Variants in SYN3 observed in about 807,000 individuals in gnomAD.
The protein encoded by SYN3 is synapsin III, also known as synapsin-3.
In SYN3, 35 loss-of-function variants were observed where a neutral mutation model predicts 65.8. That is an observed-to-expected ratio of 0.53 (90% CI 0.41 to 0.70). The LOEUF is 0.70. SYN3 is among the 30% of genes least tolerant of loss of function. SYN3 has a pLI of 0.00. For synonymous variants in SYN3, 270 were observed against 292.9 expected (o/e 0.92, Z 0.80); for missense variants, 680 against 749.0 (o/e 0.91, Z 1.08).
intron 3 of SYN3, among the ~76,000 whole-genome samples, chr22:32,940,243 A>G (rs1343889717): frequency 6.6e-6 from 1 of 152,192 alleles, no homozygotes; most frequent in Non-Finnish European, 1.5e-5. Context: ...ATCTCAAAAT[A>G]TATTGTAGAT....
At chr22:32,577,349 G>A (rs1426998864) in intron 7 of SYN3, among the ~76,000 whole-genome samples, 1 of 152,084 alleles carries the variant, frequency 6.6e-6, no homozygotes, top group Non-Finnish European at 1.5e-5. Flanking sequence ...GGACCCCCTC[G>A]AAGGGGCTCC....
At chr22:32,616,077 G>A (rs756872919) in intron 6 of SYN3, among the ~76,000 whole-genome samples, 2 of 152,182 alleles carry the variant, frequency 1.3e-5, no homozygotes, top group African/African-American at 4.8e-5. Flanking sequence ...TGCAAGCTGC[G>A]AGGAGAGAGG....
Position 33,054,883 on chromosome 22 carries a change from A to G in SYN3, c.-163+3409T>C, listed in dbSNP as rs187070908. Reference sequence around the variant, plus strand: ...ACCATAAGGCTGGCCACCATCCTTCATCCCCACCCTTTTCCCATATTCCCT... The same window carrying G: ...ACCATAAGGCTGGCCACCATCCTTCGTCCCCACCCTTTTCCCATATTCCCT... On this transcript the variant is annotated intron_variant, in intron 1 of 13. Transcript: ENST00000358763. Among the ~76,000 whole-genome samples, 57 of 152,274 alleles carry G rather than the reference A, an allele frequency of 3.7e-4. No homozygotes were observed. The Middle Eastern group carries it at 0.01, about 27-fold the overall frequency.
intron 3 of SYN3, among the ~76,000 whole-genome samples, chr22:32,962,844 C>CTATT (rs2051699023): frequency 6.6e-6 from 1 of 151,472 alleles, no homozygotes; most frequent in Non-Finnish European, 1.5e-5. Context: ...ATCTATCTAT[C>CTATT]TATCTATCTG....
intron 6 of SYN3, among the ~76,000 whole-genome samples, chr22:32,656,456 A>G (rs1202840531): frequency 6.6e-6 from 1 of 152,222 alleles, no homozygotes; most frequent in East Asian, 1.9e-4. Context: ...CTTTTGAAAC[A>G]TGATGCAGAA....
intron 6 of SYN3, among the ~76,000 whole-genome samples, chr22:32,753,498 G>A (rs1369547421): frequency 1.3e-5 from 2 of 152,202 alleles, no homozygotes; most frequent in South Asian, 2.1e-4. Context: ...CTCCCCAGCA[G>A]GGGCCTACAC....
intron 6 of SYN3, among the ~76,000 whole-genome samples, chr22:32,650,279 C>CTTTTTTTTTTTTTT (rs1371405589): frequency 1.2e-4 from 13 of 111,876 alleles, no homozygotes; most frequent in African/African-American, 4.0e-4. Context: ...CTCTCTCTTT[C>CTTTTTTTTTTTTTT]TTTTTGAGAC....
At chr22:33,015,180 C>A (rs1601909114) in intron 1 of SYN3, 1 of 209,734 alleles carries the variant, frequency 4.8e-6, no homozygotes, top group South Asian at 7.1e-5. Flanking sequence ...GAGATGGCGC[C>A]ACAGCACTCC....
chr22:32,902,017 G>A (rs2049773830), intron 4 of SYN3, among the ~76,000 whole-genome samples: 1 of 152,170 alleles, frequency 6.6e-6, no homozygotes, highest in Admixed American at 6.5e-5. Flanking sequence ...ATTTCTCTAT[G>A]AGATCTGGGA....
intron 2 of SYN3, among the ~76,000 whole-genome samples, chr22:32,991,371 T>C (rs943418383): frequency 2.0e-5 from 3 of 149,352 alleles, no homozygotes; most frequent in African/African-American, 7.4e-5. Context: ...ATAATAATAA[T>C]AGTAATAATA....
At chr22:33,017,770 T>G (rs945367736) in intron 1 of SYN3, among the ~76,000 whole-genome samples, 37 of 152,062 alleles carry the variant, frequency 2.4e-4, no homozygotes, top group African/African-American at 8.4e-4. Flanking sequence ...GTTTTTTTTT[T>G]TTTGTAGAAT....
chr22:32,518,203 A>T lies in SYN3; in HGVS notation c.1450T>A (p.Ser484Thr), dbSNP rs778431566. Residue 484 changes from serine to threonine, a missense_variant, in exon 13 of 14, where the codon TCT becomes ACT. Ser to Thr is a moderately conservative substitution (Grantham distance 58, BLOSUM62 1). Coordinates refer to ENST00000358763, the MANE Select transcript of SYN3 (RefSeq NM_003490.4). ...CTGGATGCCCGGGATAGCTGCGGAG[A>T]GCCTGGTGACCTTTGCTGCTGTGGA... is the stretch of plus-strand genomic sequence containing the variant. ...GSPQQQRSPG[S>T]PQLSRASSGS... 6.2e-7 allele frequency: 1 copy of T among 1,613,740 alleles called. No individual in the cohort carries two copies. Among genetic ancestry groups the T allele is most frequent in the East Asian group, 2.2e-5 (1 of 44,868 alleles).
intron 6 of SYN3, among the ~76,000 whole-genome samples, chr22:32,688,514 C>T (rs2060621977): frequency 6.6e-6 from 1 of 152,108 alleles, no homozygotes; most frequent in Non-Finnish European, 1.5e-5. Context: ...TCTCTGTCTG[C>T]TGCTTGGGAC....
intron 6 of SYN3, among the ~76,000 whole-genome samples, chr22:32,849,820 G>A (rs908235249): frequency 6.6e-6 from 1 of 152,214 alleles, no homozygotes; most frequent in African/African-American, 2.4e-5. Flanking sequence ...TTGTTAGCTC[G>A]TAACCATGAG....
rs2146022270 is a variant in SYN3 at position 32,508,607 on chromosome 22, C to T, written c.*5085G>A. Among the ~76,000 whole-genome samples, 2 of 151,688 alleles carry T rather than the reference C, an allele frequency of 1.3e-5. No individual in the cohort carries two copies. The highest frequency in any genetic ancestry group is 6.8e-3 in the Middle Eastern group (2 of 294). ...TTGAGGTTGAAAACCTGCCATTGAT[C>T]TTCTTCCGCTTCTTTTCTCTATCTC... On this transcript the variant is annotated 3_prime_UTR_variant, in exon 14 of 14. Coordinates refer to ENST00000358763, the MANE Select transcript of SYN3 (RefSeq NM_003490.4).
At chr22:33,028,333 CG>C (rs1222935012) in intron 1 of SYN3, among the ~76,000 whole-genome samples, 1 of 152,204 alleles carries the variant, frequency 6.6e-6, no homozygotes, top group African/African-American at 2.4e-5. Context: ...TCCTCCTCAG[CG>C]CCTAGCCCCG....
intron 2 of SYN3, among the ~76,000 whole-genome samples, chr22:32,986,902 T>C (rs1280767193): frequency 6.6e-6 from 1 of 152,002 alleles, no homozygotes; most frequent in Non-Finnish European, 1.5e-5. Flanking sequence ...AGAAGAATAT[T>C]ATAAAACTGG....
chr22:32,707,096 G>T (rs2060890767), intron 6 of SYN3, among the ~76,000 whole-genome samples: 1 of 152,060 alleles, frequency 6.6e-6, no homozygotes. Context: ...TTTCTCATGT[G>T]CATACATTGC....
chr22:32,980,781 C>A, intron 2 of SYN3, 79 bp from the exon 3 acceptor site: 1 of 1,291,294 alleles, frequency 7.7e-7, no homozygotes, highest in African/African-American at 1.5e-5. Context: ...GGCCTTACCC[C>A]AGAGGTGCAT....
Sources: gnomAD v4.1 joint callset for allele counts (sites outside exome capture counted in the v4.1 genomes callset) on GRCh38, gnomAD v4.1.1 for gene constraint, MANE v1.5 for transcripts, NCBI Gene and HGNC (gene_info 2026-07-23, HGNC 2026-07-21) for gene names.